Variants in HEXIM2 observed in about 807,000 individuals in gnomAD.
HEXIM2 encodes the protein HEXIM P-TEFb complex subunit 2.
For synonymous variants in HEXIM2, 159 were observed against 162.7 expected (o/e 0.98, Z 0.17); for missense variants, 413 against 390.8 (o/e 1.06, Z -0.48).
At position 45,169,802 on chromosome 17, in the gene HEXIM2, G is replaced by C; in HGVS notation, c.854G>C (p.Gly285Ala). Residue 285 changes from glycine (G) to alanine (A), a missense_variant, in exon 4 of 4, where the codon GGT (glycine) becomes GCT (alanine). Coordinates refer to ENST00000589230, the MANE Select transcript of HEXIM2 (RefSeq NM_001303441.2). ...REGCRCDEEP[G>A]T ...GGCTGCCGCTGTGATGAGGAGCCGG[G>C]TACCTAGGGGTGCCTCCCAGCCTGG... The C allele has an allele frequency of 7.0e-7, 1 of 1,436,646 alleles. No individual in the cohort carries two copies. The highest frequency in any genetic ancestry group is 1.5e-5 in the South Asian group (1 of 67,886). 89.0% of individuals were successfully genotyped at this position (1,436,646 alleles called of 1,614,324 possible).
In HEXIM2 at chr17:45,169,681, T is replaced by C; in HGVS notation, c.733T>C (p.Ser245Pro). Residue 245 changes from serine (S) to proline (P), a missense_variant, in exon 4 of 4, where the codon TCC becomes CCC. Coordinates refer to ENST00000589230, the MANE Select transcript of HEXIM2 (RefSeq NM_001303441.2). ...GCTGCAGGCGTGCACCGGCCAGCAG[T>C]CCTGCCGCCAGGTGGAGGAGCTGGC... Reference protein sequence around the residue: ...QQLQACTGQQSCRQVEELAAE... With the variant: ...QQLQACTGQQPCRQVEELAAE... 1.3e-6 allele frequency: 2 copies of C among 1,531,268 alleles called. No individual in the cohort carries two copies. Among genetic ancestry groups the C allele is most frequent in the Non-Finnish European group, 1.8e-6 (2 of 1,135,984 alleles). 94.9% of individuals were successfully genotyped at this position (1,531,268 alleles called of 1,614,324 possible). A position where few individuals can be genotyped will look rare whatever the true frequency, so the allele number is the denominator to read the frequency against.
Position 45,169,694 on chromosome 17 carries a change from TG to T in HEXIM2, c.748del (p.Glu250ArgfsTer68). 1 of 1,529,502 alleles carries T rather than the reference TG, an allele frequency of 6.5e-7. No homozygotes were observed. Among genetic ancestry groups the T allele is most frequent in the South Asian group, 1.2e-5 (1 of 82,750 alleles). 94.7% of individuals were successfully genotyped at this position (1,529,502 alleles called of 1,614,324 possible). A position where few individuals can be genotyped will look rare whatever the true frequency, so the allele number is the denominator to read the frequency against. The stretch of plus-strand genomic sequence containing the variant: ...ACCGGCCAGCAGTCCTGCCGCCAGG[TG>T]GAGGAGCTGGCTGCCGAGGTCCAGA... The part of the protein sequence containing the change: ...ACTGQQSCRQ[V>X]EELAAEVQRL... On this transcript the variant is annotated frameshift_variant, in exon 4 of 4. Transcript: ENST00000589230. LOFTEE classifies it low-confidence loss of function (END_TRUNC).
chr17:45,162,396 C>T, intron 1 of HEXIM2, 92 bp from the exon 2 acceptor site: 6 of 994,282 alleles, frequency 6.0e-6, no homozygotes, highest in Non-Finnish European at 7.4e-6. Context: ...CCCAGCCTCC[C>T]CAGGCAGTCC....
chr17:45,165,254 C>T, intron 3 of HEXIM2, among the ~76,000 whole-genome samples: 1 of 152,258 alleles, frequency 6.6e-6, no homozygotes, highest in Middle Eastern at 3.4e-3. Context: ...AGTAACACAA[C>T]AAACTCCACA....
Position 45,166,245 on chromosome 17 carries a change from C to A in HEXIM2, c.67-2770C>A, listed in dbSNP as rs530939020. Among the ~76,000 whole-genome samples, 4 of 152,312 alleles carry A rather than the reference C, an allele frequency of 2.6e-5. No homozygotes were observed. In the South Asian group the frequency reaches 8.3e-4, roughly 32 times the overall value. ...ACTCAAGTGATCCTCCCACTTCAGC[C>A]TCCCAAGCAGCTGGGATTACAGGTG... On this transcript the variant is annotated intron_variant, in intron 3 of 3. Coordinates refer to ENST00000589230, the MANE Select transcript of HEXIM2 (RefSeq NM_001303441.2).
At chr17:45,167,135 G>A (rs1240880252) in intron 3 of HEXIM2, among the ~76,000 whole-genome samples, 2 of 151,102 alleles carry the variant, frequency 1.3e-5, no homozygotes. Flanking sequence ...ACACCAGCCT[G>A]GCCAACATGG....
At chr17:45,161,022 C>T (rs926721738), upstream of HEXIM2, 2 of 1,144,480 alleles carry the variant, frequency 1.7e-6, no homozygotes, top group African/African-American at 3.2e-5. Context: ...GACCTGCGAC[C>T]TCCGCCCTCC....
In HEXIM2 at chr17:45,169,996, A is replaced by T; in HGVS notation, c.*187A>T. ...ATAGTTGGCTCTTTTGTGTCATCTT[A>T]CCCTTTACAGAGAAATTAAATGGCC... is the stretch of plus-strand genomic sequence containing the variant. On this transcript the variant is annotated 3_prime_UTR_variant, in exon 4 of 4. Transcript: ENST00000589230. The T allele has an allele frequency of 2.1e-6, 1 of 482,894 alleles. No individual in the cohort carries two copies. Among genetic ancestry groups the T allele is most frequent in the Non-Finnish European group, 3.6e-6 (1 of 279,828 alleles). 29.9% of individuals were successfully genotyped at this position (482,894 alleles called of 1,614,324 possible).
At chr17:45,161,756 C>T (rs1244604481), upstream of HEXIM2, 4 of 881,172 alleles carry the variant, frequency 4.5e-6, no homozygotes, top group Non-Finnish European at 5.4e-6. Flanking sequence ...GCGGTCTGCC[C>T]CCGCGCAAGG....
chr17:45,167,832 G>A (rs1241165837), intron 3 of HEXIM2, among the ~76,000 whole-genome samples: 3 of 151,672 alleles, frequency 2.0e-5, no homozygotes, highest in African/African-American at 7.3e-5. Context: ...TCCTGACCTC[G>A]TGATTCACCC....
At chr17:45,164,664 G>A (rs965503326) in intron 3 of HEXIM2, among the ~76,000 whole-genome samples, 2 of 152,090 alleles carry the variant, frequency 1.3e-5, no homozygotes, top group African/African-American at 2.4e-5. Context: ...AATGGAGGTG[G>A]GGGTAGGATA....
upstream of HEXIM2, chr17:45,161,726 A>G: frequency 1.8e-6 from 1 of 569,462 alleles, no homozygotes; most frequent in Non-Finnish European, 2.2e-6. Flanking sequence ...TGACCAATCA[A>G]AGAAGGCAGT....
At chr17:45,168,508 TG>T (rs2042930172) in intron 3 of HEXIM2, among the ~76,000 whole-genome samples, 1 of 151,466 alleles carries the variant, frequency 6.6e-6, no homozygotes, top group Admixed American at 6.6e-5. Context: ...TTTTTTTTTT[TG>T]AATAACATGT....
At chr17:45,166,298 G>C (rs1054995063) in intron 3 of HEXIM2, among the ~76,000 whole-genome samples, 7 of 151,434 alleles carry the variant, frequency 4.6e-5, no homozygotes, top group African/African-American at 1.7e-4. Flanking sequence ...CTAATTTTTT[G>C]TAATTTTTGG....
At chr17:45,163,827 C>T (rs1020144542) in intron 3 of HEXIM2, among the ~76,000 whole-genome samples, 1 of 151,882 alleles carries the variant, frequency 6.6e-6, no homozygotes, top group Admixed American at 6.6e-5. Flanking sequence ...TTAGCCTGGG[C>T]GACAGAGTGA....
chr17:45,161,311 G>A (rs1352752903), upstream of HEXIM2: 1 of 306,656 alleles, frequency 3.3e-6, no homozygotes, highest in Non-Finnish European at 6.6e-6. Flanking sequence ...GGGACGGTTT[G>A]AGGACCGGGC....
At position 45,169,799 on chromosome 17, in the gene HEXIM2, C is replaced by G. The variant is rs771634473; in HGVS notation, c.851C>G (p.Pro284Arg). Residue 284 changes from proline to arginine, a missense_variant, in exon 4 of 4, where the codon CCG becomes CGG. Transcript: ENST00000589230. ...GAGGGCTGCCGCTGTGATGAGGAGC[C>G]GGGTACCTAGGGGTGCCTCCCAGCC... is the stretch of plus-strand genomic sequence containing the variant. ...NREGCRCDEE[P>R]GT is the part of the protein sequence containing the mutation. 2 of 1,440,158 alleles carry G rather than the reference C, an allele frequency of 1.4e-6. No individual in the cohort carries two copies. Among genetic ancestry groups the G allele is most frequent in the South Asian group, 1.5e-5 (1 of 68,498 alleles). The allele number at this position is 1,440,158 out of a possible 1,614,324, so 89.2% of individuals were successfully genotyped here.
At chr17:45,166,265 C>T (rs1175834829) in intron 3 of HEXIM2, among the ~76,000 whole-genome samples, 1 of 152,180 alleles carries the variant, frequency 6.6e-6, no homozygotes, top group Admixed American at 6.5e-5. Context: ...GCTGGGATTA[C>T]AGGTGCTCAC....
In HEXIM2 at chr17:45,169,636, G is replaced by T; in HGVS notation, c.688G>T (p.Glu230Ter). The T allele has an allele frequency of 6.5e-7, 1 of 1,532,400 alleles. No homozygotes were observed. Among genetic ancestry groups the T allele is most frequent in the Non-Finnish European group, 8.8e-7 (1 of 1,137,412 alleles). 94.9% of individuals were successfully genotyped at this position (1,532,400 alleles called of 1,614,324 possible). The change falls in exon 4 of 4, where the codon GAG (glutamate) becomes TAG (stop). Residue 230 changes from glutamate to a stop codon, truncating the protein, a stop_gained. Transcript: ENST00000589230. LOFTEE classifies it low-confidence loss of function (END_TRUNC). Reference protein sequence around the residue: ...LEKRLSQAEEETRRLQQLQAC... With the variant: ...LEKRLSQAEE ...GAAGCGGCTGTCGCAGGCGGAGGAG[G>T]AGACTAGGAGGCTGCAGCAGCTGCA...
Sources: gnomAD v4.1 joint callset for allele counts (sites outside exome capture counted in the v4.1 genomes callset) on GRCh38, gnomAD v4.1.1 for gene constraint, MANE v1.5 for transcripts, NCBI Gene and HGNC (gene_info 2026-07-23, HGNC 2026-07-21) for gene names.